The following PRIMPOL variants were observed in gnomAD, a reference collection of about 807,000 sequenced individuals.
The protein encoded by PRIMPOL is DNA-directed primase/polymerase protein.
Under a neutral mutation model 63.6 loss-of-function variants are expected in PRIMPOL, and 54 were observed. The observed-to-expected ratio is 0.85, with a 90% CI of 0.68 to 1.07. The LOEUF (loss-of-function observed/expected upper bound fraction) is 1.07, where lower values mean the gene tolerates loss of function less well. PRIMPOL is among the 50% of genes least tolerant of loss of function. The pLI is 0.00. For missense variants in PRIMPOL, 610 were observed against 648.3 expected, an observed-to-expected ratio of 0.94 and a Z score of 0.64; for synonymous variants, 197 against 220.2, an observed-to-expected ratio of 0.89 and a Z score of 0.93.
At chr4:184,650,428 G>T (rs1322430467) in intron 1 of PRIMPOL, among the ~76,000 whole-genome samples, 1 of 152,234 alleles carries the variant, frequency 6.6e-6, no homozygotes, top group East Asian at 1.9e-4. Flanking sequence ...ACAGAGTCCT[G>T]TGGTGAGAAC....
chr4:184,681,483 T>C (rs1034451280), intron 8 of PRIMPOL, among the ~76,000 whole-genome samples: 1 of 152,204 alleles, frequency 6.6e-6, no homozygotes, highest in Non-Finnish European at 1.5e-5. Context: ...CTATACCTAA[T>C]ATAGTGCACA....
At chr4:184,672,597 G>A in intron 7 of PRIMPOL, 137 bp downstream of exon 7, 3 of 818,946 alleles carry the variant, frequency 3.7e-6, no homozygotes, top group Admixed American at 2.8e-5. Context: ...CAACCAGTGA[G>A]TTCAGGTGCT....
chr4:184,691,953 T>C (rs972303577), intron 13 of PRIMPOL, among the ~76,000 whole-genome samples: 24 of 152,000 alleles, frequency 1.6e-4, no homozygotes, highest in Non-Finnish European at 5.9e-5. Flanking sequence ...GTCCCAGACA[T>C]TTAAGAAGTT....
intron 11 of PRIMPOL, among the ~76,000 whole-genome samples, chr4:184,688,319 C>T (rs1374836617): frequency 1.3e-5 from 2 of 152,248 alleles, no homozygotes; most frequent in East Asian, 3.9e-4. Context: ...ATATTCTCAC[C>T]AACACTTTAG....
intron 8 of PRIMPOL, among the ~76,000 whole-genome samples, chr4:184,679,918 A>T (rs746653337): frequency 6.6e-6 from 1 of 152,180 alleles, no homozygotes; most frequent in Non-Finnish European, 1.5e-5. Flanking sequence ...ATTGTCTTCC[A>T]GGAAACCGGT....
Position 184,691,270 on chromosome 4 carries a change from A to G in PRIMPOL, c.1296-229A>G, listed in dbSNP as rs1336369699. The G allele has an allele frequency of 1.1e-5, 5 of 454,766 alleles. 1 individual carries two copies. In the Admixed American group the frequency reaches 1.6e-4, roughly 14 times the overall value. 28.2% of individuals were successfully genotyped at this position (454,766 alleles called of 1,614,324 possible). On this transcript the variant is annotated intron_variant, in intron 11 of 13. Coordinates refer to ENST00000314970, the MANE Select transcript of PRIMPOL (RefSeq NM_152683.4). ...GTGAGTACAGGTTGAGAATTGTTAC[A>G]TCTTCCTGGGGGAACTTTCATCAGT... is the stretch of plus-strand genomic sequence containing the variant.
intron 1 of PRIMPOL, among the ~76,000 whole-genome samples, 167 bp from the exon 2 acceptor site, chr4:184,651,856 C>G (rs933452465): frequency 1.3e-5 from 2 of 152,226 alleles, no homozygotes; most frequent in African/African-American, 4.8e-5. Context: ...ACCATGTTGG[C>G]CAGGCTGGTC....
intron 11 of PRIMPOL, among the ~76,000 whole-genome samples, chr4:184,685,894 T>C (rs56007304): frequency 0.13 from 19,845 of 152,128 alleles, 1,377 homozygotes; most frequent in Middle Eastern, 0.18. Context: ...CTCCGCCTCC[T>C]GGGTTCTAGC....
At chr4:184,651,866 C>G (rs1250972120) in intron 1 of PRIMPOL, among the ~76,000 whole-genome samples, 157 bp from the exon 2 acceptor site, 1 of 152,208 alleles carries the variant, frequency 6.6e-6, no homozygotes, top group Admixed American at 6.5e-5. Flanking sequence ...CCAGGCTGGT[C>G]TCGAACTCCT....
At chr4:184,677,920 C>T (rs1169049892) in intron 7 of PRIMPOL, among the ~76,000 whole-genome samples, 1 of 152,156 alleles carries the variant, frequency 6.6e-6, no homozygotes, top group Non-Finnish European at 1.5e-5. Context: ...GAATTTAGCT[C>T]CGCACAGCTT....
intron 8 of PRIMPOL, 130 bp downstream of exon 8, chr4:184,678,524 TC>T: frequency 2.6e-5 from 13 of 503,726 alleles, no homozygotes; most frequent in South Asian, 2.7e-5. Flanking sequence ...TTCTTACAGC[TC>T]TTTTTTTTTT....
chr4:184,661,995 G>A, intron 5 of PRIMPOL, 92 bp downstream of exon 5: 3 of 1,134,894 alleles, frequency 2.6e-6, no homozygotes, highest in South Asian at 3.9e-5. Flanking sequence ...AGTAGGTTCT[G>A]TATCTCTTCT....
chr4:184,675,380 C>A (rs1024597227), intron 7 of PRIMPOL, among the ~76,000 whole-genome samples: 1 of 152,092 alleles, frequency 6.6e-6, no homozygotes, highest in South Asian at 2.1e-4. Flanking sequence ...CTTAGACTAG[C>A]CATCTACATA....
At chr4:184,651,660 T>A (rs912044715) in intron 1 of PRIMPOL, among the ~76,000 whole-genome samples, 2 of 152,224 alleles carry the variant, frequency 1.3e-5, no homozygotes, top group African/African-American at 4.8e-5. Flanking sequence ...GTGAACTTTT[T>A]TTTTTGAGAC....
rs544493278 is a variant in PRIMPOL at position 184,694,801 on chromosome 4, T to C, written c.*22T>C. The C allele has an allele frequency of 3.2e-6, 5 of 1,584,574 alleles. No individual in the cohort carries two copies. The East Asian group carries it at 1.1e-4, about 36-fold the overall frequency. On this transcript the variant is annotated 3_prime_UTR_variant, in exon 14 of 14. Transcript: ENST00000314970. ...GTAACTAATTCACTATGAACACTTT[T>C]GTCACCAGGCTATAATTTGCCTGAT...
At chr4:184,670,325 G>C (rs190607988) in intron 6 of PRIMPOL, among the ~76,000 whole-genome samples, 1 of 152,238 alleles carries the variant, frequency 6.6e-6, no homozygotes, top group African/African-American at 2.4e-5. Context: ...GCAATGTTAA[G>C]TTTTCAGGAA....
chr4:184,669,903 G>A (rs750975421), intron 6 of PRIMPOL, among the ~76,000 whole-genome samples: 28 of 152,144 alleles, frequency 1.8e-4, no homozygotes, highest in Non-Finnish European at 3.7e-4. Flanking sequence ...TCTTCCTTTA[G>A]TGTGTCTTTT....
rs73873069 is a variant in PRIMPOL, at chr4:184,688,943, C to T, written c.1296-2556C>T. Among the ~76,000 whole-genome samples the T allele has an allele frequency of 9.2e-3, 1,397 of 151,612 alleles. 21 individuals carry two copies. The highest frequency in any genetic ancestry group is 0.031 in the African/African-American group (1,299 of 41,314). On this transcript the variant is annotated intron_variant, in intron 11 of 13. Coordinates refer to ENST00000314970, the MANE Select transcript of PRIMPOL (RefSeq NM_152683.4). ...AAACAACTTGGTAAGTGTTTATGTC[C>T]GAACAGTTTAGTAGCAGTTTGAATA...
intron 10 of PRIMPOL, 38 bp from the exon 11 acceptor site, chr4:184,685,538 G>C: frequency 7.5e-6 from 12 of 1,592,290 alleles, no homozygotes; most frequent in Non-Finnish European, 9.5e-6. Flanking sequence ...TTATATGATA[G>C]AGTGATAGTA....
Sources: allele counts gnomAD v4.1 joint callset (sites outside exome capture counted in the v4.1 genomes callset), GRCh38; gene constraint gnomAD v4.1.1; transcripts MANE v1.5; gene names NCBI Gene and HGNC (gene_info 2026-07-23, HGNC 2026-07-21).